Variants in WDPCP observed in about 807,000 individuals in gnomAD.
WDPCP encodes WD repeat-containing and planar cell polarity effector protein fritz homolog.
WDPCP carries 71 observed loss-of-function variants against 93.1 expected under a neutral mutation model. The observed-to-expected ratio is 0.76, with a 90% CI of 0.63 to 0.93. WDPCP has a LOEUF of 0.93. Among genes scored for constraint, WDPCP ranks in the 40% least tolerant of loss-of-function variants. WDPCP has a pLI of 0.00. For synonymous variants in WDPCP, 315 were observed against 315.0 expected, an observed-to-expected ratio of 1.00 and a Z score of 0.00; for missense variants, 844 against 887.4, an observed-to-expected ratio of 0.95 and a Z score of 0.62.
intron 1 of WDPCP, among the ~76,000 whole-genome samples, chr2:63,526,815 G>A (rs1460169837): frequency 2.0e-5 from 3 of 152,060 alleles, no homozygotes; most frequent in Non-Finnish European, 2.9e-5. Flanking sequence ...TAACTTTATT[G>A]AGCTTATCCT....
chr2:63,249,663 A>G (rs552787998), intron 14 of WDPCP, among the ~76,000 whole-genome samples: 2 of 152,250 alleles, frequency 1.3e-5, no homozygotes, highest in South Asian at 4.1e-4. Flanking sequence ...CCTATTCTGA[A>G]ATTTGGCTGT....
chr2:63,548,054 T>G (rs1353027343), intron 1 of WDPCP, among the ~76,000 whole-genome samples: 4 of 152,126 alleles, frequency 2.6e-5, no homozygotes, highest in African/African-American at 9.7e-5. Flanking sequence ...ACATCTATTA[T>G]GCATCAATAA....
intron 6 of WDPCP, among the ~76,000 whole-genome samples, chr2:63,484,400 T>C (rs1482991247): frequency 6.6e-6 from 1 of 152,014 alleles, no homozygotes; most frequent in East Asian, 1.9e-4. Context: ...AGTACAACTA[T>C]ACTGGTTAAT....
intron 3 of WDPCP, chr2:63,599,482 G>C (rs1360199442): frequency 2.2e-6 from 1 of 455,376 alleles, no homozygotes; most frequent in Non-Finnish European, 3.7e-6. Context: ...TCTCTTAAAG[G>C]ACCAGAGGCT....
chr2:63,527,319 C>T (rs1227177016), intron 1 of WDPCP, among the ~76,000 whole-genome samples: 1 of 150,988 alleles, frequency 6.6e-6, no homozygotes, highest in Non-Finnish European at 1.5e-5. Flanking sequence ...GTGCTACACC[C>T]ATTATCTCGT....
chr2:63,773,095 C>A (rs981943831), intron 2 of WDPCP, among the ~76,000 whole-genome samples: 4 of 151,776 alleles, frequency 2.6e-5, no homozygotes, highest in African/African-American at 9.7e-5. Flanking sequence ...AATTTCACTC[C>A]TATATATATA....
chr2:63,426,303 C>G (rs1217925569), intron 9 of WDPCP, among the ~76,000 whole-genome samples: 1 of 152,094 alleles, frequency 6.6e-6, no homozygotes, highest in Non-Finnish European at 1.5e-5. Context: ...GATCACATCA[C>G]TGCACTCCAG....
At chr2:63,734,010 C>T (rs922229935) in intron 2 of WDPCP, among the ~76,000 whole-genome samples, 2 of 152,092 alleles carry the variant, frequency 1.3e-5, no homozygotes, top group African/African-American at 4.8e-5. Context: ...CCATATGTAA[C>T]CTTTTGTGTT....
At chr2:63,706,306 G>A (rs1669151663) in intron 2 of WDPCP, among the ~76,000 whole-genome samples, 2 of 152,058 alleles carry the variant, frequency 1.3e-5, no homozygotes, top group African/African-American at 2.4e-5. Flanking sequence ...TTTAAGGTTA[G>A]TATTGTTATG....
chr2:63,405,623 A>G (rs1332823555), intron 9 of WDPCP, among the ~76,000 whole-genome samples: 2 of 151,084 alleles, frequency 1.3e-5, no homozygotes, highest in South Asian at 2.1e-4. Flanking sequence ...ATCCACATAT[A>G]TCGAGGGACA....
intron 1 of WDPCP, among the ~76,000 whole-genome samples, chr2:63,502,571 C>T (rs1701622679): frequency 6.6e-6 from 1 of 151,966 alleles, no homozygotes; most frequent in African/African-American, 2.4e-5. Context: ...TTAATGAAAC[C>T]AAACATCTTT....
At chr2:63,190,221 A>G (rs1674937723) in intron 14 of WDPCP, among the ~76,000 whole-genome samples, 1 of 152,150 alleles carries the variant, frequency 6.6e-6, no homozygotes. Flanking sequence ...TGAGCCAAGC[A>G]GTTCAAGACC....
chr2:63,367,435 AATTT>A (rs1191705866), intron 12 of WDPCP, among the ~76,000 whole-genome samples: 1 of 152,130 alleles, frequency 6.6e-6, no homozygotes, highest in Non-Finnish European at 1.5e-5. Flanking sequence ...CATTTATAGA[AATTT>A]ATTTTCAGGA....
chr2:63,747,133 A>G (rs1669810875), intron 2 of WDPCP, among the ~76,000 whole-genome samples: 1 of 152,042 alleles, frequency 6.6e-6, no homozygotes, highest in African/African-American at 2.4e-5. Flanking sequence ...GTCTGGTCCT[A>G]TTTTGTCATT....
intron 3 of WDPCP, chr2:63,595,363 C>A: frequency 9.5e-7 from 1 of 1,049,832 alleles, no homozygotes; most frequent in South Asian, 1.3e-5. Flanking sequence ...TGTGAAAAGA[C>A]TTTCTTGTGT....
intron 12 of WDPCP, among the ~76,000 whole-genome samples, chr2:63,334,893 G>A (rs948286575): frequency 6.6e-6 from 1 of 152,006 alleles, no homozygotes; most frequent in Non-Finnish European, 1.5e-5. Context: ...TTTCTTGTGG[G>A]CCCCAAGATC....
At chr2:63,448,264 A>T (rs918972216) in intron 6 of WDPCP, among the ~76,000 whole-genome samples, 3 of 152,064 alleles carry the variant, frequency 2.0e-5, no homozygotes, top group Non-Finnish European at 4.4e-5. Context: ...ATCCATACTA[A>T]TGTGGCATAA....
At chr2:63,505,367 C>T (rs997623467) in intron 1 of WDPCP, among the ~76,000 whole-genome samples, 1 of 151,916 alleles carries the variant, frequency 6.6e-6, no homozygotes, top group African/African-American at 2.4e-5. Flanking sequence ...CCAAGGTCCC[C>T]TGAGAAGAGA....
At chr2:63,587,515 C>T (rs1441817349) in intron 1 of WDPCP, among the ~76,000 whole-genome samples, 1 of 152,178 alleles carries the variant, frequency 6.6e-6, no homozygotes, top group African/African-American at 2.4e-5. Context: ...TATTACTTGG[C>T]ATTCATTTAT....
Sources: gnomAD v4.1 joint callset for allele counts (sites outside exome capture counted in the v4.1 genomes callset) on GRCh38, gnomAD v4.1.1 for gene constraint, MANE v1.5 for transcripts, NCBI Gene and HGNC (gene_info 2026-07-23, HGNC 2026-07-21) for gene names.